CARD8: variants seen among roughly 807,000 people sequenced by gnomAD.
CARD8 encodes caspase recruitment domain family member 8.
Under a neutral mutation model 53.2 loss-of-function variants are expected in CARD8, and 38 were observed. The ratio of observed to expected loss-of-function variants is 0.71; its 90% confidence interval spans 0.55 to 0.94. The LOEUF (loss-of-function observed/expected upper bound fraction) is 0.94, where lower values mean the gene tolerates loss of function less well. CARD8 is among the 40% of genes least tolerant of loss of function. The pLI, the probability that CARD8 is intolerant of heterozygous loss-of-function variation, is 0.00. For missense variants in CARD8, 561 were observed against 655.5 expected (o/e 0.86, Z 1.57); for synonymous variants, 245 against 244.9 (o/e 1.00, Z 0.00).
At chr19:48,231,357 T>A (rs1456205120) in intron 8 of CARD8, among the ~76,000 whole-genome samples, 1 of 152,208 alleles carries the variant, frequency 6.6e-6, no homozygotes, top group Non-Finnish European at 1.5e-5. Context: ...TAGGCTGCAG[T>A]GCAGTGGCGA....
chr19:48,234,479 C>T lies in CARD8; in HGVS notation c.274G>A (p.Asp92Asn). 2 of 1,613,892 alleles carry T rather than the reference C, an allele frequency of 1.2e-6. No individual in the cohort carries two copies. The highest frequency in any genetic ancestry group is 1.7e-6 in the Non-Finnish European group (2 of 1,179,864). Residue 92 changes from aspartate (D) to asparagine (N), a missense_variant, in exon 6 of 14, where the codon GAT becomes AAT. Transcript: ENST00000651546. The stretch of plus-strand genomic sequence containing the variant: ...AATGGCTCTGCCTCTGTCTCATCAT[C>T]TTCTTGGAAAAAATGTGAGATGTCA... Reference protein sequence around the residue: ...LCDISHFFQEDDETEAEPLLF... With the variant: ...LCDISHFFQENDETEAEPLLF...
intron 4 of CARD8, among the ~76,000 whole-genome samples, chr19:48,240,279 C>G (rs544836793): frequency 6.6e-6 from 1 of 152,312 alleles, no homozygotes; most frequent in East Asian, 1.9e-4. Context: ...CTGCTTGGTT[C>G]TGCTCTGATC....
intron 11 of CARD8, among the ~76,000 whole-genome samples, chr19:48,219,457 G>A (rs1277459297): frequency 6.6e-6 from 1 of 152,020 alleles, no homozygotes; most frequent in Non-Finnish European, 1.5e-5. Context: ...AGTCTCCCCA[G>A]GATTCCTAAA....
At chr19:48,255,196 T>C (rs1966942381) in intron 1 of CARD8, among the ~76,000 whole-genome samples, 1 of 152,068 alleles carries the variant, frequency 6.6e-6, no homozygotes. Context: ...TGAAACCCCG[T>C]CTCTACTAAA....
intron 3 of CARD8, among the ~76,000 whole-genome samples, chr19:48,243,926 A>T (rs182766915): frequency 6.6e-6 from 1 of 152,396 alleles, no homozygotes; most frequent in East Asian, 1.9e-4. Flanking sequence ...TTTCTATAGG[A>T]TTAAGTAGAA....
At chr19:48,233,429 G>A (rs1318909785) in intron 6 of CARD8, 8 of 456,072 alleles carry the variant, frequency 1.8e-5, no homozygotes, top group African/African-American at 1.6e-4. Context: ...TGAAGAGAAA[G>A]GCTTTACAGC....
chr19:48,220,952 G>GAAAGAAA (rs1491168543), intron 11 of CARD8, among the ~76,000 whole-genome samples: 45 of 10,164 alleles, frequency 4.4e-3, no homozygotes, highest in African/African-American at 8.3e-3. Context: ...AGAAAGGAAA[G>GAAAGAAA]GAAAGGAAGG....
chr19:48,242,482 ATTCT>A (rs2045356766), intron 3 of CARD8: 1 of 152,192 alleles, frequency 6.6e-6, no homozygotes, highest in Non-Finnish European at 1.5e-5. Flanking sequence ...TTTGTGATGG[ATTCT>A]TTCACTTCCC....
At chr19:48,221,903 G>C (rs2040718588) in intron 10 of CARD8, 48 bp from the exon 11 acceptor site, 1 of 1,500,966 alleles carries the variant, frequency 6.7e-7, no homozygotes, top group Non-Finnish European at 9.0e-7. Flanking sequence ...AAATAGTAAA[G>C]CAAGTAGTGG....
At chr19:48,212,895 G>T (rs1375685070) in intron 13 of CARD8, 1 of 152,234 alleles carries the variant, frequency 6.6e-6, no homozygotes, top group Non-Finnish European at 1.5e-5. Flanking sequence ...TGCCTCAATG[G>T]CCTTCCAGGC....
At chr19:48,227,414 G>T (rs2042002622) in intron 10 of CARD8, among the ~76,000 whole-genome samples, 1 of 152,104 alleles carries the variant, frequency 6.6e-6, no homozygotes. Flanking sequence ...AGACAGAAAA[G>T]AGAAAGGAGA....
intron 5 of CARD8, among the ~76,000 whole-genome samples, chr19:48,235,748 T>C (rs527976081): frequency 6.6e-6 from 1 of 152,080 alleles, no homozygotes; most frequent in South Asian, 2.1e-4. Context: ...CAGTGAACAC[T>C]TCCATCAGCT....
intron 13 of CARD8, chr19:48,215,024 A>G: frequency 4.9e-6 from 1 of 206,040 alleles, no homozygotes; most frequent in Non-Finnish European, 1.0e-5. Context: ...TCCTGAGCTC[A>G]AGCAATCCAC....
chr19:48,218,527 T>A (rs981345199), intron 12 of CARD8, among the ~76,000 whole-genome samples: 9 of 152,140 alleles, frequency 5.9e-5, no homozygotes. Context: ...GCTAATTTTG[T>A]ATGTTTAGTA....
intron 1 of CARD8, among the ~76,000 whole-genome samples, chr19:48,254,161 T>A (rs1296261391): frequency 1.3e-5 from 2 of 152,194 alleles, no homozygotes; most frequent in Admixed American, 1.3e-4. Flanking sequence ...TCCCACCTAC[T>A]TGGGAGGCTG....
intron 3 of CARD8, among the ~76,000 whole-genome samples, chr19:48,244,501 C>T (rs112776449): frequency 0.05 from 7,671 of 152,150 alleles, 648 homozygotes; most frequent in African/African-American, 0.17. Flanking sequence ...GTGAGTAAAG[C>T]CTCATACTCG....
chr19:48,255,301 G>C (rs1395718248), intron 1 of CARD8, among the ~76,000 whole-genome samples: 1 of 152,186 alleles, frequency 6.6e-6, no homozygotes, highest in Non-Finnish European at 1.5e-5. Flanking sequence ...GGGAGGCAGA[G>C]GTTGCAGTGA....
downstream of CARD8, chr19:48,206,435 G>GA (rs1568592985): frequency 2.2e-6 from 1 of 458,916 alleles, no homozygotes; most frequent in East Asian, 7.0e-5. Context: ...GGATAACAGG[G>GA]ATTTAGGGTA....
At position 48,218,967 on chromosome 19, in the gene CARD8, A is replaced by T. The variant is rs756226722; in HGVS notation, c.1207T>A (p.Ser403Thr). 1.9e-6 allele frequency: 3 copies of T among 1,613,862 alleles called. No individual in the cohort carries two copies. The Admixed American group carries it at 5.0e-5, about 27-fold the overall frequency. Reference protein sequence around the residue: ...YRSPGEIQHFSKFYAGQMKEP... With the variant: ...YRSPGEIQHFTKFYAGQMKEP... ...TTCATCTGCCCAGCATAGAATTTTGAGAAGTGCTGAATTTCTCCAGGGCTC... is the reference window on the plus strand; with the variant it reads ...TTCATCTGCCCAGCATAGAATTTTGTGAAGTGCTGAATTTCTCCAGGGCTC... The change falls in exon 12 of 14, where the codon TCA (serine) becomes ACA (threonine). Residue 403 changes from serine (S) to threonine (T), a missense_variant. Transcript: ENST00000651546.
Sources: allele counts gnomAD v4.1 joint callset (sites outside exome capture counted in the v4.1 genomes callset), GRCh38; gene constraint gnomAD v4.1.1; transcripts MANE v1.5; gene names NCBI Gene and HGNC (gene_info 2026-07-23, HGNC 2026-07-21).